Variants in GOLGA4 observed in about 807,000 individuals in gnomAD.
GOLGA4 encodes golgin subfamily A member 4.
GOLGA4 carries 169 observed loss-of-function variants against 265.9 expected under a neutral mutation model. The observed-to-expected ratio is 0.64, with a 90% CI of 0.56 to 0.72. The LOEUF is 0.72. Among genes scored for constraint, GOLGA4 ranks in the 30% least tolerant of loss-of-function variants. The probability of loss-of-function intolerance (pLI) is 0.00; values close to 1 mark genes in which losing one functional copy is unlikely to be tolerated. For synonymous variants in GOLGA4, 923 were observed against 855.8 expected (o/e 1.08, Z -1.37); for missense variants, 2,482 against 2,483.4 (o/e 1.00, Z 0.01).
chr3:37,246,792 C>T (rs940602109), intron 1 of GOLGA4, among the ~76,000 whole-genome samples: 1 of 152,126 alleles, frequency 6.6e-6, no homozygotes, highest in Admixed American at 6.6e-5. Context: ...TTTAAAAAAT[C>T]AACATATACG....
In GOLGA4 at chr3:37,264,402, G is replaced by A. The variant is rs2096778072; in HGVS notation, c.162+12918G>A. Among the ~76,000 whole-genome samples the A allele has an allele frequency of 2.6e-5, 4 of 152,112 alleles. No individual in the cohort carries two copies. In the South Asian group the frequency reaches 8.3e-4, roughly 31 times the overall value. ...CCAAAGAGGCATTTAGCATATTTTA[G>A]TATACTACTAATACTAAAATTGAGA... On this transcript the variant is annotated intron_variant, in intron 2 of 23. Transcript: ENST00000361924.
chr3:37,283,086 CAG>C (rs1367513479), intron 3 of GOLGA4, among the ~76,000 whole-genome samples: 23 of 152,054 alleles, frequency 1.5e-4, no homozygotes, highest in African/African-American at 5.3e-4. Flanking sequence ...TACTAAAGTT[CAG>C]AGTCAGTATA....
chr3:37,257,974 C>CATAT (rs10526196), intron 2 of GOLGA4, among the ~76,000 whole-genome samples: 1 of 40,214 alleles, frequency 2.5e-5, no homozygotes, highest in African/African-American at 1.4e-4. Context: ...TATATACATA[C>CATAT]ATATATATAT....
At chr3:37,318,833 TAGCAGTAGC>T (rs2096945567) in intron 11 of GOLGA4, among the ~76,000 whole-genome samples, 1 of 152,214 alleles carries the variant, frequency 6.6e-6, no homozygotes, top group South Asian at 2.1e-4. Flanking sequence ...GAGTCTATTG[TAGCAGTAGC>T]AGCACTTGTC....
intron 5 of GOLGA4, among the ~76,000 whole-genome samples, chr3:37,294,382 ATTT>A (rs55842993): frequency 1.1e-4 from 15 of 132,010 alleles, no homozygotes; most frequent in Non-Finnish European, 8.1e-5. Flanking sequence ...ATCTTAAGTA[ATTT>A]TTTTTTTTTT....
At chr3:37,260,441 G>A (rs1447022405) in intron 2 of GOLGA4, among the ~76,000 whole-genome samples, 18 of 151,900 alleles carry the variant, frequency 1.2e-4, no homozygotes. Context: ...GGCCAACATG[G>A]TGAAACCCAC....
At chr3:37,266,231 A>G (rs2150692872) in intron 2 of GOLGA4, among the ~76,000 whole-genome samples, 1 of 151,720 alleles carries the variant, frequency 6.6e-6, no homozygotes, top group South Asian at 2.1e-4. Context: ...CAATGGTCTC[A>G]CTCTGTCACC....
In GOLGA4 at chr3:37,299,312, A is replaced by G. The variant is rs556995010; in HGVS notation, c.1027A>G (p.Lys343Glu). ...GGACCTTCATATGGCCGAGAAGACT[A>G]AACTTATCACTCAGTTGCGTGATGC... ...IKDLHMAEKT[K>E]LITQLRDAKN... The change falls in exon 9 of 24, where the codon AAA becomes GAA. Residue 343 changes from lysine (K) to glutamate (E), a missense_variant. Around this residue, in one of 3 missense-constraint regions of GOLGA4, gnomAD observed 1,536 missense variants for 1,483.7 expected, o/e 1.04. Transcript: ENST00000361924. The G allele has an allele frequency of 1.9e-6, 3 of 1,612,796 alleles. No individual in the cohort carries two copies. The highest frequency in any genetic ancestry group is 2.2e-5 in the South Asian group (2 of 91,032).
chr3:37,282,219 C>T lies in GOLGA4; in HGVS notation c.424C>T (p.Arg142Trp), dbSNP rs748183916. The change falls in exon 3 of 24, where the codon CGG becomes TGG. Residue 142 changes from arginine (R) to tryptophan (W), a missense_variant. Coordinates refer to ENST00000361924, the MANE Select transcript of GOLGA4 (RefSeq NM_002078.5). ...DSLNKEQLIQRLRRMERSLSS... is the reference protein window; with the variant it reads ...DSLNKEQLIQWLRRMERSLSS... ...TCTCAACAAAGAACAGTTGATTCAG[C>T]GGTTGCGAAGAATGGAACGAAGCTT... The T allele has an allele frequency of 5.1e-5, 83 of 1,613,942 alleles. No individual in the cohort carries two copies. The Middle Eastern group carries it at 1.6e-3, about 32-fold the overall frequency.
chr3:37,361,162 C>T (rs1696232555), intron 22 of GOLGA4, 81 bp from the exon 23 acceptor site: 1 of 1,067,896 alleles, frequency 9.4e-7, no homozygotes, highest in South Asian at 1.3e-5. Flanking sequence ...ATCCTATGAA[C>T]TTCATATACA....
At chr3:37,309,732 T>C (rs2096917994) in intron 10 of GOLGA4, among the ~76,000 whole-genome samples, 2 of 152,286 alleles carry the variant, frequency 1.3e-5, no homozygotes, top group African/African-American at 4.8e-5. Context: ...AAAATGCAGC[T>C]GGATTTTCAT....
intron 2 of GOLGA4, among the ~76,000 whole-genome samples, chr3:37,257,652 A>C (rs1319550452): frequency 6.6e-6 from 1 of 151,410 alleles, no homozygotes; most frequent in African/African-American, 2.4e-5. Flanking sequence ...TATTATGTGG[A>C]TTAGGGTCCT....
chr3:37,296,278 G>C, intron 7 of GOLGA4, 59 bp downstream of exon 7: 1 of 1,551,364 alleles, frequency 6.4e-7, no homozygotes, highest in Non-Finnish European at 8.8e-7. Flanking sequence ...AGGCTCCTTG[G>C]CTTACACCTT....
At chr3:37,352,054 CTGT>C (rs2097076282) in intron 21 of GOLGA4, among the ~76,000 whole-genome samples, 1 of 152,066 alleles carries the variant, frequency 6.6e-6, no homozygotes, top group African/African-American at 2.4e-5. Context: ...CACAGAAAAT[CTGT>C]TGTTTAGTGT....
intron 5 of GOLGA4, among the ~76,000 whole-genome samples, chr3:37,291,643 C>T (rs1305460962): frequency 6.6e-6 from 1 of 152,176 alleles, no homozygotes; most frequent in Non-Finnish European, 1.5e-5. Flanking sequence ...TTGTGTTGAC[C>T]TTTCAAAGAG....
chr3:37,321,826 C>T lies in GOLGA4; in HGVS notation c.1641C>T (p.Ile547=). Reference sequence around the variant, plus strand: ...AGTTAGAGTTGCAGAAAAAAGCAATCCTCACAGAAAGTGAAAATAAACTTC... The same window carrying T: ...AGTTAGAGTTGCAGAAAAAAGCAATTCTCACAGAAAGTGAAAATAAACTTC... ...LEELELQKKA[I]LTESENKLRD... Residue 547 remains isoleucine, a synonymous_variant, in exon 13 of 24, where the codon ATC becomes ATT. Coordinates refer to ENST00000361924, the MANE Select transcript of GOLGA4 (RefSeq NM_002078.5). 1.2e-6 allele frequency: 2 copies of T among 1,613,022 alleles called. No homozygotes were observed. The highest frequency in any genetic ancestry group is 1.7e-6 in the Non-Finnish European group (2 of 1,179,428).
At chr3:37,277,938 C>T (rs1372446000) in intron 2 of GOLGA4, among the ~76,000 whole-genome samples, 1 of 152,116 alleles carries the variant, frequency 6.6e-6, no homozygotes, top group Non-Finnish European at 1.5e-5. Context: ...TGTTGTAATA[C>T]AGAAAGCAGC....
intron 5 of GOLGA4, among the ~76,000 whole-genome samples, chr3:37,292,091 A>G (rs566430808): frequency 3.9e-5 from 6 of 152,320 alleles, no homozygotes; most frequent in African/African-American, 1.4e-4. Flanking sequence ...GTAACCAAGG[A>G]CTTTTTGTCT....
chr3:37,281,978 T>G lies in GOLGA4; in HGVS notation c.183T>G (p.Phe61Leu). The change falls in exon 3 of 24, where the codon TTT becomes TTG. Residue 61 changes from phenylalanine (F) to leucine (L), a missense_variant. Physicochemically the swap from Phe to Leu is conservative, Grantham distance 22. Coordinates refer to ENST00000361924, the MANE Select transcript of GOLGA4 (RefSeq NM_002078.5). ...PNRESGDTQS[F>L]AQKLQLRVPS... The stretch of plus-strand genomic sequence containing the variant: ...TGCAGTCAGGTGACACACAGTCTTT[T>G]GCACAGAAGCTCCAGCTCCGGGTGC... 6.2e-7 allele frequency: 1 copy of G among 1,613,596 alleles called. No individual in the cohort carries two copies. Among genetic ancestry groups the G allele is most frequent in the Non-Finnish European group, 8.5e-7 (1 of 1,179,678 alleles).
Sources: allele counts gnomAD v4.1 joint callset (sites outside exome capture counted in the v4.1 genomes callset), GRCh38; gene constraint gnomAD v4.1.1; regional missense constraint gnomAD v4.1.1; transcripts MANE v1.5; gene names NCBI Gene and HGNC (gene_info 2026-07-23, HGNC 2026-07-21).